Variants in RAD21L1 observed in about 807,000 individuals in gnomAD.
RAD21L1 encodes RAD21 cohesin complex component like 1, also known as double-strand-break repair protein rad21-like protein 1.
Under a neutral mutation model 69.0 loss-of-function variants are expected in RAD21L1, and 47 were observed. The observed-to-expected ratio is 0.68, with a 90% CI of 0.54 to 0.87. RAD21L1 has a LOEUF of 0.87. Ranked by LOEUF, RAD21L1 falls within the 40% of genes least tolerant of loss-of-function variation. The probability of loss-of-function intolerance (pLI) is 0.00; values close to 1 mark genes in which losing one functional copy is unlikely to be tolerated. For synonymous variants in RAD21L1, 177 were observed against 205.8 expected, an observed-to-expected ratio of 0.86 and a Z score of 1.20; for missense variants, 583 against 647.6, an observed-to-expected ratio of 0.90 and a Z score of 1.08.
chr20:1,252,742 C>T (rs570987922), intron 13 of RAD21L1, among the ~76,000 whole-genome samples: 4 of 151,732 alleles, frequency 2.6e-5, no homozygotes, highest in African/African-American at 7.3e-5. Flanking sequence ...ACACTGATGT[C>T]TCCAATTCCT....
At position 1,238,233 on chromosome 20, in the gene RAD21L1, T is replaced by C. The variant is rs2087539508; in HGVS notation, c.646+19T>C. 2.1e-6 allele frequency: 3 copies of C among 1,415,034 alleles called. No homozygotes were observed. The highest frequency in any genetic ancestry group is 2.8e-6 in the Non-Finnish European group (3 of 1,063,840). 87.7% of individuals were successfully genotyped at this position (1,415,034 alleles called of 1,614,324 possible). A position where few individuals can be genotyped will look rare whatever the true frequency, so the allele number is the denominator to read the frequency against. On this transcript the variant is annotated intron_variant, in intron 6 of 13. Transcript: ENST00000683101. Reference sequence around the variant, plus strand: ...ATGATTGGTATGCTATCTGGTCATGTGGAAATAAAATATTTATTTTCATCA... The same window carrying C: ...ATGATTGGTATGCTATCTGGTCATGCGGAAATAAAATATTTATTTTCATCA...
chr20:1,252,421 A>G (rs79601154), intron 13 of RAD21L1, among the ~76,000 whole-genome samples: 9,239 of 152,220 alleles, frequency 0.061, 383 homozygotes, highest in South Asian at 0.1. Context: ...CTTTTCCAGA[A>G]TAATCTTTAA....
intron 5 of RAD21L1, among the ~76,000 whole-genome samples, chr20:1,234,595 T>C (rs991501809): frequency 6.6e-6 from 1 of 152,222 alleles, no homozygotes; most frequent in Non-Finnish European, 1.5e-5. Flanking sequence ...TTTCTTCTGG[T>C]ATATGATAAT....
rs1016475433 is a variant in RAD21L1, at chr20:1,234,093, A to C, written c.377A>C (p.Asp126Ala). The C allele has an allele frequency of 2.0e-6, 3 of 1,495,126 alleles. No individual in the cohort carries two copies. The highest frequency in any genetic ancestry group is 1.7e-4 in the Middle Eastern group (1 of 5,884). 92.6% of individuals were successfully genotyped at this position (1,495,126 alleles called of 1,614,324 possible). Residue 126 changes from aspartate (D) to alanine (A), a missense_variant, in exon 5 of 14, where the codon GAT becomes GCT. Coordinates refer to ENST00000683101, the MANE Select transcript of RAD21L1 (RefSeq NM_001384355.1). ...CTTCTATTTCTCCATAGTGCTATTG[A>C]TGTTTCAGAACACTTTACTCAGAAC... Reference protein sequence around the residue: ...DFDTQNMNAIDVSEHFTQNQS... With the variant: ...DFDTQNMNAIAVSEHFTQNQS...
At chr20:1,244,792 A>G (rs995397386) in intron 11 of RAD21L1, among the ~76,000 whole-genome samples, 1 of 152,190 alleles carries the variant, frequency 6.6e-6, no homozygotes, top group Admixed American at 6.5e-5. Context: ...TTAAAAATAA[A>G]CCAGTGTTTT....
At chr20:1,251,220 G>T (rs2122165884) in intron 13 of RAD21L1, among the ~76,000 whole-genome samples, 1 of 152,176 alleles carries the variant, frequency 6.6e-6, no homozygotes, top group Non-Finnish European at 1.5e-5. Context: ...TTGTAACATT[G>T]CCAAGATTCT....
Position 1,240,412 on chromosome 20 carries a change from C to T in RAD21L1, c.834C>T (p.Thr278=), listed in dbSNP as rs554674026. 176 of 1,542,874 alleles carry T rather than the reference C, an allele frequency of 1.1e-4. No homozygotes were observed. In the African/African-American group the frequency reaches 2.2e-3, roughly 19 times the overall value. ...TATCAACTGAAGAGGAAGGATTTAC[C>T]CTTGATCCAATTGATATTTCAGGTC... ...ILLSTEEEGF[T]LDPIDISDIA... is the part of the protein sequence containing the mutation. Residue 278 remains threonine, a synonymous_variant, in exon 8 of 14, where the codon ACC becomes ACT. Transcript: ENST00000683101.
intron 5 of RAD21L1, among the ~76,000 whole-genome samples, chr20:1,237,586 C>T (rs1208679740): frequency 1.3e-5 from 2 of 151,228 alleles, no homozygotes; most frequent in Admixed American, 6.6e-5. Flanking sequence ...ATGTTGTAAG[C>T]CCATTCTTTA....
chr20:1,234,271 C>G (rs1055549005), intron 5 of RAD21L1, 80 bp downstream of exon 5: 2 of 692,970 alleles, frequency 2.9e-6, no homozygotes, highest in South Asian at 1.8e-5. Context: ...TGCCAGTAGA[C>G]GTAGCTATAG....
chr20:1,235,886 G>A lies in RAD21L1; in HGVS notation c.475+1695G>A, dbSNP rs2087484877. On this transcript the variant is annotated intron_variant, in intron 5 of 13. Coordinates refer to ENST00000683101, the MANE Select transcript of RAD21L1 (RefSeq NM_001384355.1). ...AGGCTCAAGCGATTCTCCTGCCTCC[G>A]CCTCTGGAGTAGCTGGGACTACAGG... Among the ~76,000 whole-genome samples the A allele has an allele frequency of 2.6e-5, 4 of 151,760 alleles. No homozygotes were observed. In the South Asian group the frequency reaches 6.2e-4, roughly 24 times the overall value.
At chr20:1,226,542 CG>C (rs1211548358) in intron 1 of RAD21L1, 1 of 152,628 alleles carries the variant, frequency 6.6e-6, no homozygotes, top group African/African-American at 2.4e-5. Flanking sequence ...TCGCCCTGCC[CG>C]GCTCAGCCCT....
At chr20:1,248,788 C>A in intron 13 of RAD21L1, 85 bp downstream of exon 13, 1 of 767,278 alleles carries the variant, frequency 1.3e-6, no homozygotes, top group South Asian at 2.1e-5. Flanking sequence ...TTAATGAAAA[C>A]GCAATAATTT....
intron 13 of RAD21L1, among the ~76,000 whole-genome samples, chr20:1,249,035 G>A (rs961859050): frequency 6.6e-6 from 1 of 151,914 alleles, no homozygotes; most frequent in Non-Finnish European, 1.5e-5. Flanking sequence ...GGTAATTTTT[G>A]AATTTAATTT....
At chr20:1,230,197 G>T (rs1459823538) in intron 3 of RAD21L1, among the ~76,000 whole-genome samples, 188 bp downstream of exon 3, 2 of 152,094 alleles carry the variant, frequency 1.3e-5, no homozygotes, top group Non-Finnish European at 2.9e-5. Flanking sequence ...GCAGGAAAAG[G>T]TTATGCTTTC....
intron 1 of RAD21L1, among the ~76,000 whole-genome samples, chr20:1,226,578 G>A (rs918471040): frequency 6.6e-6 from 1 of 151,896 alleles, no homozygotes; most frequent in Non-Finnish European, 1.5e-5. Flanking sequence ...CTCTCCCAGG[G>A]TCCCCGCCCG....
At chr20:1,244,899 T>C (rs1175066281) in intron 11 of RAD21L1, among the ~76,000 whole-genome samples, 2 of 152,110 alleles carry the variant, frequency 1.3e-5, no homozygotes, top group Non-Finnish European at 2.9e-5. Flanking sequence ...GAAAGACAAT[T>C]TCACAGTGCA....
rs941210426 is a variant in RAD21L1 at position 1,226,082 on chromosome 20, CTT to C, written c.-90_-89del. On this transcript the variant is annotated 5_prime_UTR_variant, in exon 1 of 14. Transcript: ENST00000683101. ...GGCGCCAAGAACCCGGCCAAGCTGA[CTT>C]GGCGACTCCTCGCAGCCCCTGCTCT... The C allele has an allele frequency of 2.7e-5, 4 of 148,850 alleles. No homozygotes were observed. Among genetic ancestry groups the C allele is most frequent in the African/African-American group, 1.0e-4 (4 of 40,114 alleles). 9.2% of individuals were successfully genotyped at this position (148,850 alleles called of 1,614,324 possible).
intron 8 of RAD21L1, among the ~76,000 whole-genome samples, chr20:1,241,576 C>T (rs1375313817): frequency 6.6e-6 from 1 of 152,116 alleles, no homozygotes; most frequent in African/African-American, 2.4e-5. Flanking sequence ...ATCTGTGTAG[C>T]TTCCCTGTCT....
chr20:1,236,871 A>G (rs1157864701), intron 5 of RAD21L1, among the ~76,000 whole-genome samples: 1 of 152,218 alleles, frequency 6.6e-6, no homozygotes, highest in African/African-American at 2.4e-5. Flanking sequence ...ATAATCTGAT[A>G]TTCTTGTGAT....
Sources: gnomAD v4.1 joint callset for allele counts (sites outside exome capture counted in the v4.1 genomes callset) on GRCh38, gnomAD v4.1.1 for gene constraint, MANE v1.5 for transcripts, NCBI Gene and HGNC (gene_info 2026-07-23, HGNC 2026-07-21) for gene names.